SMCO2: variants seen among roughly 807,000 people sequenced by gnomAD.
The protein encoded by SMCO2 is single-pass membrane protein with coiled-coil domains 2, also known as single-pass membrane and coiled-coil domain-containing protein 2.
Under a neutral mutation model 29.5 loss-of-function variants are expected in SMCO2, and 25 were observed. That is an observed-to-expected ratio of 0.85 (90% CI 0.62 to 1.18). The LOEUF is 1.18. SMCO2 is among the 50% of genes most tolerant of loss of function. The pLI is 0.00. For missense variants in SMCO2, 348 were observed against 344.5 expected, an observed-to-expected ratio of 1.01 and a Z score of -0.08; for synonymous variants, 117 against 123.3, an observed-to-expected ratio of 0.95 and a Z score of 0.34.
rs960868482 is a variant in SMCO2 at position 27,485,378 on chromosome 12, C to T, written c.363-3082C>T. Among the ~76,000 whole-genome samples the T allele has an allele frequency of 6.6e-5, 10 of 151,546 alleles. No individual in the cohort carries two copies. In the South Asian group the frequency reaches 1.5e-3, roughly 22 times the overall value. On this transcript the variant is annotated intron_variant, in intron 4 of 7. Coordinates refer to ENST00000298876, the Ensembl canonical transcript of SMCO2. Reference sequence around the variant, plus strand: ...CTTGGACAATAAAATATAGTTACAACTTTTAAAATAACCTTATCTACTAAT... The same window carrying T: ...CTTGGACAATAAAATATAGTTACAATTTTTAAAATAACCTTATCTACTAAT...
chr12:27,471,358 A>G (rs553327426), intron 2 of SMCO2, among the ~76,000 whole-genome samples: 1 of 152,296 alleles, frequency 6.6e-6, no homozygotes, highest in East Asian at 1.9e-4. Context: ...AGCAATATTT[A>G]TTCATTCTAT....
At chr12:27,437,662 G>T in the SMCO2 span, among the ~76,000 whole-genome samples, 1 of 152,138 alleles carries the variant, frequency 6.6e-6, no homozygotes, top group Non-Finnish European at 1.5e-5. Flanking sequence ...AAGGGAAGGG[G>T]GTTCTTCAGG....
At chr12:27,495,636 C>G in intron 6 of SMCO2, 44 bp from the exon 8 acceptor site, 5 of 1,416,962 alleles carry the variant, frequency 3.5e-6, no homozygotes, top group Non-Finnish European at 4.7e-6. Flanking sequence ...GACTTGGAGA[C>G]ATTTAGAATT....
In SMCO2 at chr12:27,501,919, G is replaced by A. The variant is rs1256430088; in HGVS notation, c.684-4G>A. 6.6e-6 allele frequency: 10 copies of A among 1,522,990 alleles called. No homozygotes were observed. In the South Asian group the frequency reaches 1.1e-4, roughly 17 times the overall value. 94.3% of individuals were successfully genotyped at this position (1,522,990 alleles called of 1,614,324 possible). On this transcript the variant is annotated splice_region_variant and splice_polypyrimidine_tract_variant and intron_variant, in intron 7 of 7. Coordinates refer to ENST00000298876, the Ensembl canonical transcript of SMCO2. ...GTTAACACAGATGTTTTCTCTCTTT[G>A]TAGGAAACGTGCACTGAGGATTTTC...
rs145183389 is a variant in SMCO2, at chr12:27,501,114, G to T, written c.684-809G>T. 2.0e-3 allele frequency among the ~76,000 whole-genome samples: 302 copies of T among 150,442 alleles called. 6 individuals carry two copies. Among genetic ancestry groups the T allele is most frequent in the Non-Finnish European group, 3.0e-3 (205 of 67,854 alleles). Reference sequence around the variant, plus strand: ...GCAACCCAGAAGGATGGGTCCTCAAGGATTTAAAAAAGCTTCTATTGGCCG... The same window carrying T: ...GCAACCCAGAAGGATGGGTCCTCAATGATTTAAAAAAGCTTCTATTGGCCG... On this transcript the variant is annotated intron_variant, in intron 7 of 7. Transcript: ENST00000298876.
chr12:27,466,010 G>A (rs1949495944), upstream of SMCO2, among the ~76,000 whole-genome samples: 1 of 152,142 alleles, frequency 6.6e-6, no homozygotes, highest in African/African-American at 2.4e-5. Flanking sequence ...ATGTGAGCCT[G>A]GCACTGAAGT....
intron 7 of SMCO2, among the ~76,000 whole-genome samples, chr12:27,496,256 C>CAACACTTT (rs1943001464): frequency 6.7e-6 from 1 of 150,008 alleles, no homozygotes; most frequent in Admixed American, 6.6e-5. Context: ...AACATTAAGT[C>CAACACTTT]AACACTTTAA....
intron 4 of SMCO2, among the ~76,000 whole-genome samples, chr12:27,477,629 T>G (rs1209550275): frequency 7.2e-6 from 1 of 139,102 alleles, no homozygotes; most frequent in Non-Finnish European, 1.5e-5. Context: ...TCATTCTTTT[T>G]CATTCTTTTT....
At chr12:27,478,591 T>C (rs1012392220) in intron 4 of SMCO2, among the ~76,000 whole-genome samples, 1 of 152,006 alleles carries the variant, frequency 6.6e-6, no homozygotes, top group Admixed American at 6.6e-5. Context: ...CTAAGAGTCA[T>C]GCATGGGTAG....
intron 3 of SMCO2, among the ~76,000 whole-genome samples, chr12:27,474,351 A>G (rs1042983259): frequency 6.6e-6 from 1 of 152,178 alleles, no homozygotes; most frequent in Non-Finnish European, 1.5e-5. Context: ...TTTTACAGCC[A>G]TATTTTTTAA....
At chr12:27,431,437 C>T in the SMCO2 span, among the ~76,000 whole-genome samples, 1 of 152,224 alleles carries the variant, frequency 6.6e-6, no homozygotes. Context: ...CTCTTCTCCT[C>T]AGCCACTGGC....
At chr12:27,492,902 A>G (rs1325248845) in intron 5 of SMCO2, among the ~76,000 whole-genome samples, 1 of 152,242 alleles carries the variant, frequency 6.6e-6, no homozygotes, top group East Asian at 1.9e-4. Context: ...CTGAAGCACT[A>G]TTCACAATAG....
chr12:27,464,091 T>C (rs959508969), upstream of SMCO2, among the ~76,000 whole-genome samples: 6 of 152,140 alleles, frequency 3.9e-5, no homozygotes, highest in African/African-American at 1.4e-4. Flanking sequence ...ACTAATGGAA[T>C]AGAATCCCCA....
the SMCO2 span, among the ~76,000 whole-genome samples, chr12:27,440,648 GT>G: frequency 2.6e-3 from 318 of 122,352 alleles, 4 homozygotes; most frequent in African/African-American, 3.0e-3. Flanking sequence ...TTTTCTGTGG[GT>G]TTTTTTTTTT....
At chr12:27,494,994 C>A (rs1942980493) in intron 6 of SMCO2, among the ~76,000 whole-genome samples, 1 of 152,088 alleles carries the variant, frequency 6.6e-6, no homozygotes, top group Non-Finnish European at 1.5e-5. Context: ...TTCATTGAGA[C>A]CTCTCCTAAT....
chr12:27,456,930 AAC>A, the SMCO2 span, among the ~76,000 whole-genome samples: 2 of 152,184 alleles, frequency 1.3e-5, no homozygotes, highest in African/African-American at 4.8e-5. Flanking sequence ...TTCTCACAGT[AAC>A]ACAAACCCTA....
chr12:27,459,406 G>A, the SMCO2 span, among the ~76,000 whole-genome samples: 3 of 152,198 alleles, frequency 2.0e-5, no homozygotes, highest in African/African-American at 7.2e-5. Context: ...TCACTTACAA[G>A]TGGGAGCTAA....
the SMCO2 span, among the ~76,000 whole-genome samples, chr12:27,442,011 C>G: frequency 1.3e-5 from 2 of 152,052 alleles, no homozygotes; most frequent in Admixed American, 6.5e-5. Context: ...TGAATTGAAA[C>G]AGAGGAAAAT....
At chr12:27,474,707 G>A in intron 3 of SMCO2, 79 bp from the exon 4 acceptor site, 1 of 1,506,430 alleles carries the variant, frequency 6.6e-7, no homozygotes, top group East Asian at 2.5e-5. Flanking sequence ...AGCAAAGGGG[G>A]ATTGGGTAGG....
Sources: gnomAD v4.1 joint callset for allele counts (sites outside exome capture counted in the v4.1 genomes callset) on GRCh38, gnomAD v4.1.1 for gene constraint, MANE v1.5 for transcripts, NCBI Gene and HGNC (gene_info 2026-07-23, HGNC 2026-07-21) for gene names.